ZNF536: variants seen among roughly 807,000 people sequenced by gnomAD.
The protein encoded by ZNF536 is zinc finger protein 536.
A neutral mutation model predicts 84.5 loss-of-function variants in ZNF536; 13 were observed. The observed-to-expected ratio is 0.15, with a 90% CI of 0.10 to 0.24. The LOEUF (loss-of-function observed/expected upper bound fraction) is 0.24. Ranked by LOEUF, ZNF536 falls within the 10% of genes least tolerant of loss-of-function variation. The probability of loss-of-function intolerance (pLI) is 1.00; values close to 1 mark genes in which losing one functional copy is unlikely to be tolerated. For synonymous variants in ZNF536, 811 were observed against 742.5 expected (o/e 1.09, Z -1.50); for missense variants, 1,536 against 1,747.5 (o/e 0.88, Z 2.16).
At chr19:30,528,003 G>A (rs1025004779) in intron 2 of ZNF536, among the ~76,000 whole-genome samples, 3 of 152,146 alleles carry the variant, frequency 2.0e-5, no homozygotes, top group Non-Finnish European at 2.9e-5. Context: ...CTGTGATTTT[G>A]AGACGTTCTT....
chr19:30,348,401 TA>T (rs1382160865), intron 2 of ZNF536, among the ~76,000 whole-genome samples: 5 of 152,192 alleles, frequency 3.3e-5, no homozygotes, highest in Non-Finnish European at 7.4e-5. Context: ...AGGTGCAGGC[TA>T]AACTCATCCA....
chr19:30,669,473 A>G (rs1288896389), intron 1 of ZNF536, among the ~76,000 whole-genome samples: 1 of 152,186 alleles, frequency 6.6e-6, no homozygotes, highest in African/African-American at 2.4e-5. Flanking sequence ...TGAAGAAAGA[A>G]GGGACAGGCT....
chr19:30,312,831 G>A, intron 2 of ZNF536, among the ~76,000 whole-genome samples: 1 of 152,242 alleles, frequency 6.6e-6, no homozygotes, highest in East Asian at 1.9e-4. Flanking sequence ...CAGGAGCCTG[G>A]GTTTTCCCAC....
At chr19:30,447,075 C>T (rs893196966) in intron 2 of ZNF536, among the ~76,000 whole-genome samples, 1 of 152,236 alleles carries the variant, frequency 6.6e-6, no homozygotes, top group African/African-American at 2.4e-5. Flanking sequence ...TTTCTGCAAT[C>T]AGCCATTAAG....
intron 1 of ZNF536, among the ~76,000 whole-genome samples, chr19:30,566,564 C>T (rs1233968438): frequency 1.3e-5 from 2 of 152,270 alleles, no homozygotes; most frequent in East Asian, 3.8e-4. Flanking sequence ...CACCTAAGAT[C>T]ACTCGCATGT....
chr19:30,481,150 G>A (rs1298945359), intron 2 of ZNF536, among the ~76,000 whole-genome samples: 1 of 152,108 alleles, frequency 6.6e-6, no homozygotes, highest in Non-Finnish European at 1.5e-5. Context: ...TATGTCTGAG[G>A]TTCCCTAAGA....
chr19:30,453,178 C>G (rs951611119), intron 2 of ZNF536, among the ~76,000 whole-genome samples: 8 of 152,164 alleles, frequency 5.3e-5, no homozygotes, highest in South Asian at 2.1e-4. Flanking sequence ...GTGTCCCCCC[C>G]ACCCCCAAAA....
At position 30,444,250 on chromosome 19, in the gene ZNF536, G is replaced by A. The variant is rs764827458; in HGVS notation, c.688G>A (p.Ala230Thr). Residue 230 changes from alanine (A) to threonine (T), a missense_variant, in exon 2 of 5, where the codon GCC (alanine) becomes ACC (threonine). Around this residue, in one of 8 missense-constraint regions of ZNF536, gnomAD observed 138 missense variants for 136.8 expected, o/e 1.01. Transcript: ENST00000355537. ...GCCGGACCTGAAGCCCCCGCCGCAC[G>A]CCCAGCAGGCCCCGCTGGCCGCCTG... is the stretch of plus-strand genomic sequence containing the variant. ...PRPDLKPPPH[A>T]QQAPLAACTL... 1 of 1,548,314 alleles carries A rather than the reference G, an allele frequency of 6.5e-7. No homozygotes were observed.
chr19:30,486,493 G>A lies in ZNF536; in HGVS notation c.2170+40761G>A, dbSNP rs534422466. On this transcript the variant is annotated intron_variant, in intron 2 of 4. Coordinates refer to ENST00000355537, the MANE Select transcript of ZNF536 (RefSeq NM_014717.3). ...ACATGTACCACATTTTCTTTATCCA[G>A]TCTATCATTGATGGGCATTTAGGTT... Among the ~76,000 whole-genome samples, 22 of 152,240 alleles carry A rather than the reference G, an allele frequency of 1.4e-4. No homozygotes were observed. In the South Asian group the frequency reaches 4.1e-3, roughly 29 times the overall value.
At chr19:30,615,105 C>A (rs1169454964) in intron 1 of ZNF536, among the ~76,000 whole-genome samples, 1 of 146,916 alleles carries the variant, frequency 6.8e-6, no homozygotes, top group African/African-American at 2.5e-5. Flanking sequence ...CGCCACCATG[C>A]CCGGCTAATT....
At chr19:30,561,490 A>T (rs554351194), downstream of ZNF536, among the ~76,000 whole-genome samples, 1 of 152,130 alleles carries the variant, frequency 6.6e-6, no homozygotes, top group Non-Finnish European at 1.5e-5. Context: ...GCAGATCCTG[A>T]GGTAAGGACC....
intron 1 of ZNF536, among the ~76,000 whole-genome samples, chr19:30,697,301 G>A (rs1391459563): frequency 6.6e-6 from 1 of 152,174 alleles, no homozygotes; most frequent in Non-Finnish European, 1.5e-5. Context: ...TTTGGATGGG[G>A]ACACAGAGCC....
chr19:30,436,493 C>A (rs1281988879), intron 1 of ZNF536: 1 of 984,332 alleles, frequency 1.0e-6, no homozygotes, highest in Non-Finnish European at 1.2e-6. Context: ...AATGCACTTG[C>A]TCAGCATAGC....
intron 2 of ZNF536, among the ~76,000 whole-genome samples, chr19:30,464,500 A>G (rs1167239466): frequency 6.6e-6 from 1 of 152,068 alleles, no homozygotes; most frequent in Non-Finnish European, 1.5e-5. Context: ...TTCAAGAATA[A>G]GAAGGTAGTG....
Position 30,445,163 on chromosome 19 carries a change from A to C in ZNF536, c.1601A>C (p.Glu534Ala), listed in dbSNP as rs1367789589. The change falls in exon 2 of 5, where the codon GAA (glutamate) becomes GCA (alanine). Residue 534 changes from glutamate (E) to alanine (A), a missense_variant. By Grantham distance (107) the Glu-to-Ala change is moderately radical (BLOSUM62 -1). Transcript: ENST00000355537. The surrounding 1 kb of genome is among the most constrained non-coding windows in gnomAD (Gnocchi z 4.5). ...CTCATGGCCAGGGGCATGGCCATGGAACATGGCTTCTTGTCTAAAGAGCAT... is the reference window on the plus strand; with the variant it reads ...CTCATGGCCAGGGGCATGGCCATGGCACATGGCTTCTTGTCTAAAGAGCAT... ...WQLMARGMAM[E>A]HGFLSKEHPL... The C allele has an allele frequency of 1.9e-6, 3 of 1,614,002 alleles. No individual in the cohort carries two copies. In the Admixed American group the frequency reaches 5.0e-5, roughly 27 times the overall value.
At chr19:30,701,424 A>G (rs896777592) in intron 1 of ZNF536, among the ~76,000 whole-genome samples, 3 of 139,064 alleles carry the variant, frequency 2.2e-5, no homozygotes, top group African/African-American at 5.4e-5. Flanking sequence ...AAAACACACA[A>G]ACACACACAC....
chr19:30,340,099 T>C (rs2047517976), intron 2 of ZNF536, among the ~76,000 whole-genome samples: 1 of 152,070 alleles, frequency 6.6e-6, no homozygotes, highest in Admixed American at 6.5e-5. Flanking sequence ...GTGTCTGCTG[T>C]CTAAGGGACA....
intron 1 of ZNF536, among the ~76,000 whole-genome samples, chr19:30,699,174 C>CT (rs1260398011): frequency 6.6e-6 from 1 of 152,074 alleles, no homozygotes; most frequent in East Asian, 1.9e-4. Flanking sequence ...GGTGTATTTC[C>CT]TATCCCAGTC....
intron 1 of ZNF536, among the ~76,000 whole-genome samples, chr19:30,424,329 A>G (rs1401763555): frequency 6.6e-6 from 1 of 152,136 alleles, no homozygotes. Flanking sequence ...TGTGCAATAA[A>G]GAGGAGGCCA....
Sources: gnomAD v4.1 joint callset for allele counts (sites outside exome capture counted in the v4.1 genomes callset) on GRCh38, gnomAD v4.1.1 for gene constraint, gnomAD v4.1.1 regional missense constraint, Gnocchi (gnomAD v3.1) non-coding constraint, MANE v1.5 for transcripts, NCBI Gene and HGNC (gene_info 2026-07-23, HGNC 2026-07-21) for gene names.